STARD3: variants seen among roughly 807,000 people sequenced by gnomAD.
The protein encoded by STARD3 is stAR-related lipid transfer protein 3.
A neutral mutation model predicts 62.0 loss-of-function variants in STARD3; 39 were observed. The ratio of observed to expected loss-of-function variants is 0.63; its 90% confidence interval spans 0.49 to 0.82. STARD3 has a LOEUF of 0.82. STARD3 is among the 40% of genes least tolerant of loss of function. The pLI is 0.00. For missense variants in STARD3, 543 were observed against 584.5 expected, an observed-to-expected ratio of 0.93 and a Z score of 0.73; for synonymous variants, 229 against 242.4, an observed-to-expected ratio of 0.94 and a Z score of 0.51.
chr17:39,646,634 G>T (rs1242901720), intron 1 of STARD3, among the ~76,000 whole-genome samples: 1 of 152,096 alleles, frequency 6.6e-6, no homozygotes, highest in Non-Finnish European at 1.5e-5. Context: ...AGCTAGGAAG[G>T]GGACAGTCTG....
intron 2 of STARD3, among the ~76,000 whole-genome samples, chr17:39,653,965 C>A (rs881844): frequency 6.6e-6 from 1 of 152,036 alleles, no homozygotes. Context: ...CCTCTGCACC[C>A]AAGTGTGTGA....
intron 13 of STARD3, 197 bp downstream of exon 13, chr17:39,661,282 G>A (rs1321948717): frequency 9.9e-6 from 6 of 604,518 alleles, no homozygotes; most frequent in Admixed American, 2.9e-5. Flanking sequence ...GGGGGGTGGT[G>A]GACAGCTGGA....
chr17:39,651,196 A>T (rs2057074561), intron 1 of STARD3, among the ~76,000 whole-genome samples: 1 of 151,898 alleles, frequency 6.6e-6, no homozygotes, highest in Non-Finnish European at 1.5e-5. Flanking sequence ...CTGCCCTCCG[A>T]CTCTGCTGCA....
Position 39,659,101 on chromosome 17 carries a change from G to T in STARD3, c.697G>T (p.Ala233Ser), listed in dbSNP as rs765188414. 3.8e-5 allele frequency: 61 copies of T among 1,614,070 alleles called. No homozygotes were observed. Among genetic ancestry groups the T allele is most frequent in the Non-Finnish European group, 5.2e-5 (61 of 1,180,034 alleles). Residue 233 changes from alanine to serine, a missense_variant, in exon 8 of 15, where the codon GCT (alanine) becomes TCT (serine). Transcript: ENST00000336308. Reference sequence around the variant, plus strand: ...AGTTGCTGGGAAGAAAAGTTTCTCTGCTCAGGTATTTGCCTGCCTACCCCT... The same window carrying T: ...AGTTGCTGGGAAGAAAAGTTTCTCTTCTCAGGTATTTGCCTGCCTACCCCT... ...EEVAGKKSFS[A>S]QEREYIRQGK...
chr17:39,643,572 G>A (rs1274977590), intron 1 of STARD3, among the ~76,000 whole-genome samples: 4 of 152,124 alleles, frequency 2.6e-5, no homozygotes, highest in Admixed American at 1.3e-4. Flanking sequence ...GCTATCCTGC[G>A]TTCCCCTAAC....
intron 1 of STARD3, among the ~76,000 whole-genome samples, chr17:39,647,453 T>A (rs2057037176): frequency 6.6e-6 from 1 of 152,070 alleles, no homozygotes; most frequent in Non-Finnish European, 1.5e-5. Context: ...GTCTCTGAAT[T>A]GTCCATTCCT....
chr17:39,659,134 G>A, intron 8 of STARD3, 28 bp downstream of exon 8: 1 of 1,613,960 alleles, frequency 6.2e-7, no homozygotes, highest in Non-Finnish European at 8.5e-7. Flanking sequence ...CCTAACCCCT[G>A]CCCTTGGAAT....
At chr17:39,655,069 A>G (rs2057114647) in intron 2 of STARD3, among the ~76,000 whole-genome samples, 1 of 152,274 alleles carries the variant, frequency 6.6e-6, no homozygotes, top group African/African-American at 2.4e-5. Flanking sequence ...TCTTAGGCAG[A>G]CTTCCTTTTC....
At chr17:39,656,819 G>A (rs1597796959) in intron 2 of STARD3, 189 bp from the exon 3 acceptor site, 1 of 593,422 alleles carries the variant, frequency 1.7e-6, no homozygotes, top group Non-Finnish European at 3.0e-6. Flanking sequence ...GACTGGTATT[G>A]GTGCCTGAGG....
At chr17:39,650,533 T>G (rs2057068017) in intron 1 of STARD3, among the ~76,000 whole-genome samples, 2 of 151,870 alleles carry the variant, frequency 1.3e-5, no homozygotes, top group African/African-American at 4.8e-5. Flanking sequence ...ATAGGCCAGG[T>G]GCAGTGACTC....
At chr17:39,640,719 T>A (rs2056976049) in intron 1 of STARD3, among the ~76,000 whole-genome samples, 1 of 150,602 alleles carries the variant, frequency 6.6e-6, no homozygotes, top group East Asian at 1.9e-4. Context: ...GGGGCATCCC[T>A]GATGATTCAC....
rs1229483671 is a variant in STARD3, at chr17:39,659,458, C to T, written c.703-3C>T. On this transcript the variant is annotated splice_region_variant and splice_polypyrimidine_tract_variant and intron_variant, in intron 8 of 14. Coordinates refer to ENST00000336308, the MANE Select transcript of STARD3 (RefSeq NM_006804.4). ...CCCCTCCCTGCCTCCTGCTTCCGTC[C>T]AGGAGCGGGAGTACATCCGCCAGGG... The T allele has an allele frequency of 1.2e-6, 2 of 1,613,906 alleles. No individual in the cohort carries two copies. The highest frequency in any genetic ancestry group is 1.7e-6 in the Non-Finnish European group (2 of 1,179,964).
At chr17:39,662,225 C>T in intron 13 of STARD3, 26 bp from the exon 14 acceptor site, 4 of 1,605,450 alleles carry the variant, frequency 2.5e-6, no homozygotes, top group South Asian at 2.2e-5. Flanking sequence ...GTTCCAAAGT[C>T]CCCCCAATGA....
intron 1 of STARD3, among the ~76,000 whole-genome samples, chr17:39,639,680 TG>T (rs2056966036): frequency 1.3e-5 from 2 of 152,182 alleles, no homozygotes; most frequent in African/African-American, 4.8e-5. Context: ...TCCCTTGACT[TG>T]GGAGCCAGCA....
intron 5 of STARD3, 35 bp from the exon 6 acceptor site, chr17:39,658,370 C>A (rs1222808999): frequency 5.0e-6 from 8 of 1,592,130 alleles, no homozygotes; most frequent in Non-Finnish European, 6.9e-6. Context: ...TTTGGGGTGA[C>A]CCCTGCCATG....
At chr17:39,657,517 ACT>A (rs898806774) in intron 3 of STARD3, among the ~76,000 whole-genome samples, 9 of 144,628 alleles carry the variant, frequency 6.2e-5, no homozygotes, top group African/African-American at 2.3e-4. Flanking sequence ...ACAGAGCGAG[ACT>A]CTGTCTCAAA....
At chr17:39,643,022 C>A (rs866483806) in intron 1 of STARD3, among the ~76,000 whole-genome samples, 1 of 152,032 alleles carries the variant, frequency 6.6e-6, no homozygotes, top group Non-Finnish European at 1.5e-5. Flanking sequence ...GGTTGGGGCA[C>A]TGGGGAGATG....
In STARD3 at chr17:39,660,422, C is replaced by T. The variant is rs1279908861; in HGVS notation, c.859-9C>T. The T allele has an allele frequency of 4.3e-6, 7 of 1,613,664 alleles. No homozygotes were observed. The highest frequency in any genetic ancestry group is 5.9e-6 in the Non-Finnish European group (7 of 1,179,972). On this transcript the variant is annotated splice_polypyrimidine_tract_variant and intron_variant, in intron 10 of 14. Coordinates refer to ENST00000336308, the MANE Select transcript of STARD3 (RefSeq NM_006804.4). This position sits in a 1 kb window ranked among gnomAD's most constrained non-coding sequence, Gnocchi z 4.8. Reference sequence around the variant, plus strand: ...TGGCACCACCCAGCCCTCTGCCGCCCTGTCCCAGACCTTCCTGCCCTGTCC... The same window carrying T: ...TGGCACCACCCAGCCCTCTGCCGCCTTGTCCCAGACCTTCCTGCCCTGTCC...
chr17:39,652,633 T>C (rs2057088675), intron 1 of STARD3: 1 of 152,444 alleles, frequency 6.6e-6, no homozygotes. Flanking sequence ...ACAGGGCAGC[T>C]GTATTGAGGG....
Sources: gnomAD v4.1 joint callset for allele counts (sites outside exome capture counted in the v4.1 genomes callset) on GRCh38, gnomAD v4.1.1 for gene constraint, Gnocchi (gnomAD v3.1) non-coding constraint, MANE v1.5 for transcripts, NCBI Gene and HGNC (gene_info 2026-07-23, HGNC 2026-07-21) for gene names.